Variants in STXBP4 observed in about 807,000 individuals in gnomAD.
The protein encoded by STXBP4 is syntaxin-binding protein 4.
Under a neutral mutation model 76.1 loss-of-function variants are expected in STXBP4, and 55 were observed. That is an observed-to-expected ratio of 0.72 (90% CI 0.58 to 0.91). The LOEUF is 0.91. Ranked by LOEUF, STXBP4 falls within the 40% of genes least tolerant of loss-of-function variation. STXBP4 has a pLI of 0.00. For missense variants in STXBP4, 618 were observed against 636.9 expected (o/e 0.97, Z 0.32); for synonymous variants, 201 against 220.2 (o/e 0.91, Z 0.77).
intron 16 of STXBP4, among the ~76,000 whole-genome samples, chr17:55,099,089 C>G (rs1047530589): frequency 1.3e-5 from 2 of 152,076 alleles, no homozygotes; most frequent in African/African-American, 4.8e-5. Flanking sequence ...CACCAGAGTG[C>G]CATATATTAA....
rs2080396311 is a variant in STXBP4, at chr17:55,169,779, A to G, written c.*9868A>G. 1 of 152,242 alleles carries G rather than the reference A, an allele frequency of 6.6e-6. No homozygotes were observed. The highest frequency in any genetic ancestry group is 2.4e-5 in the African/African-American group (1 of 41,464). The allele number at this position is 152,242 out of a possible 1,614,324, so 9.4% of individuals were successfully genotyped here. The stretch of plus-strand genomic sequence containing the variant: ...CTAAAAACCCTAACATGAAATACTT[A>G]GAAGAGATCAAGTGGTTTGTCCCTG... On this transcript the variant is annotated 3_prime_UTR_variant, in exon 18 of 18. Coordinates refer to ENST00000376352, the MANE Select transcript of STXBP4 (RefSeq NM_178509.6).
At chr17:55,101,496 TTG>T (rs917051537) in intron 16 of STXBP4, among the ~76,000 whole-genome samples, 34 of 152,328 alleles carry the variant, frequency 2.2e-4, no homozygotes, top group Middle Eastern at 3.4e-3. Context: ...CCATCTGATG[TTG>T]TCTCATTCAG....
At chr17:55,046,212 C>G (rs2628308) in intron 11 of STXBP4, among the ~76,000 whole-genome samples, 108,731 of 151,804 alleles carry the variant, frequency 0.72, 39,195 homozygotes, top group East Asian at 0.91. Context: ...AAGGTGACTT[C>G]CCAGAACATA....
the STXBP4 span, among the ~76,000 whole-genome samples, chr17:55,181,776 T>C: frequency 6.6e-6 from 1 of 152,332 alleles, no homozygotes; most frequent in Non-Finnish European, 1.5e-5. Flanking sequence ...CTATTTACCC[T>C]TAGGGTATCT....
Position 55,165,659 on chromosome 17 carries a change from T to G in STXBP4, c.*5748T>G, listed in dbSNP as rs1243285038. ...ATAAGCCTCTGCTGTGGTCTGGATG[T>G]TTGTGCCCAGCCCCTAATTTCATAT... is the stretch of plus-strand genomic sequence containing the variant. On this transcript the variant is annotated 3_prime_UTR_variant, in exon 18 of 18. Coordinates refer to ENST00000376352, the MANE Select transcript of STXBP4 (RefSeq NM_178509.6). The G allele has an allele frequency of 6.6e-6, 1 of 152,304 alleles. No individual in the cohort carries two copies. The highest frequency in any genetic ancestry group is 2.4e-5 in the African/African-American group (1 of 41,454). The allele number at this position is 152,304 out of a possible 1,614,324, so 9.4% of individuals were successfully genotyped here.
At chr17:55,176,369 T>TGA (rs1011312455), downstream of STXBP4, among the ~76,000 whole-genome samples, 2 of 151,964 alleles carry the variant, frequency 1.3e-5, no homozygotes, top group African/African-American at 4.8e-5. Context: ...AGAGGAAAGG[T>TGA]GAGAGAGCCT....
chr17:55,009,056 TTTATCAATGAAATTATAAGTGTC>T (rs2078057635), intron 8 of STXBP4, among the ~76,000 whole-genome samples: 1 of 152,230 alleles, frequency 6.6e-6, no homozygotes, highest in Non-Finnish European at 1.5e-5. Context: ...TATATCTTGT[TTTATCAATGAAATTATAAGTGTC>T]TTCACCGCAG....
chr17:55,050,316 A>G (rs1187925238), intron 12 of STXBP4, among the ~76,000 whole-genome samples: 2 of 152,138 alleles, frequency 1.3e-5, no homozygotes, highest in African/African-American at 4.8e-5. Context: ...AAAGACCTGA[A>G]CAGATAATTC....
chr17:55,078,628 A>T (rs1389781113), intron 14 of STXBP4, 58 bp from the exon 15 acceptor site: 1 of 1,070,540 alleles, frequency 9.3e-7, no homozygotes, highest in African/African-American at 1.6e-5. Flanking sequence ...TGAAGAAAAG[A>T]TATTTTTTAA....
intron 16 of STXBP4, among the ~76,000 whole-genome samples, chr17:55,115,803 A>G (rs2079774182): frequency 6.6e-6 from 1 of 151,884 alleles, no homozygotes; most frequent in Non-Finnish European, 1.5e-5. Flanking sequence ...TAATAGGAAC[A>G]TTTGTTATGA....
intron 1 of STXBP4, 147 bp downstream of exon 1, chr17:54,968,962 A>C (rs1598127192): frequency 1.4e-5 from 4 of 284,046 alleles, no homozygotes; most frequent in South Asian, 5.2e-5. Context: ...TTTAAACTCC[A>C]CCAGCCTTTG....
chr17:55,023,916 C>CAAAAAA (rs61454264), intron 8 of STXBP4, among the ~76,000 whole-genome samples: 8 of 62,236 alleles, frequency 1.3e-4, no homozygotes, highest in Admixed American at 2.2e-4. Context: ...GGCCCTTTTC[C>CAAAAAA]AAAAAAAAAA....
At chr17:54,982,816 A>G (rs1024410289) in intron 1 of STXBP4, among the ~76,000 whole-genome samples, 3 of 152,224 alleles carry the variant, frequency 2.0e-5, no homozygotes, top group African/African-American at 7.2e-5. Context: ...TGTTTAATCA[A>G]TAGTGTCATC....
chr17:54,983,616 C>CT (rs386386297), intron 1 of STXBP4, among the ~76,000 whole-genome samples: 4 of 150,234 alleles, frequency 2.7e-5, no homozygotes, highest in Non-Finnish European at 3.0e-5. Context: ...CATTTCTTTT[C>CT]TTTTTTTTTT....
At chr17:55,207,152 C>T in the STXBP4 span, among the ~76,000 whole-genome samples, 1,883 of 152,250 alleles carry the variant, frequency 0.012, 36 homozygotes, top group African/African-American at 0.042. Flanking sequence ...TGGATCTCTA[C>T]GCATGACGCT....
chr17:55,196,337 C>T, the STXBP4 span, among the ~76,000 whole-genome samples: 6 of 152,170 alleles, frequency 3.9e-5, no homozygotes, highest in Admixed American at 1.3e-4. Context: ...CCCTGCCACA[C>T]ACCCCATACT....
intron 16 of STXBP4, among the ~76,000 whole-genome samples, chr17:55,105,606 A>G (rs1309443817): frequency 6.6e-6 from 1 of 151,004 alleles, no homozygotes; most frequent in African/African-American, 2.4e-5. Context: ...AGTAGCTGGG[A>G]CGACAGGCAC....
intron 16 of STXBP4, among the ~76,000 whole-genome samples, chr17:55,118,885 AC>A (rs922251850): frequency 2.0e-5 from 3 of 151,006 alleles, no homozygotes; most frequent in Non-Finnish European, 4.4e-5. Context: ...AGACTCCATC[AC>A]CATTAGTATT....
intron 8 of STXBP4, among the ~76,000 whole-genome samples, chr17:55,011,392 T>C (rs933060612): frequency 6.6e-6 from 1 of 152,040 alleles, no homozygotes; most frequent in African/African-American, 2.4e-5. Context: ...TATTTCTTCT[T>C]GATCATATGT....
Sources: gnomAD v4.1 joint callset for allele counts (sites outside exome capture counted in the v4.1 genomes callset) on GRCh38, gnomAD v4.1.1 for gene constraint, MANE v1.5 for transcripts, NCBI Gene and HGNC (gene_info 2026-07-23, HGNC 2026-07-21) for gene names.